Variants in SLC12A8 observed in about 807,000 individuals in gnomAD.
SLC12A8 encodes the protein cation-chloride cotransporter 9.
Under a neutral mutation model 75.6 loss-of-function variants are expected in SLC12A8, and 69 were observed. The ratio of observed to expected loss-of-function variants is 0.91; its 90% CI spans 0.75 to 1.11. The LOEUF (loss-of-function observed/expected upper bound fraction) is 1.11. Among genes scored for constraint, SLC12A8 ranks in the 50% most tolerant of loss-of-function variants. The probability of loss-of-function intolerance (pLI) is 0.00; values close to 1 mark genes in which losing one functional copy is unlikely to be tolerated. For missense variants in SLC12A8, 877 were observed against 896.7 expected (o/e 0.98, Z 0.28); for synonymous variants, 365 against 372.8 (o/e 0.98, Z 0.24).
intron 7 of SLC12A8, among the ~76,000 whole-genome samples, chr3:125,119,603 C>A (rs1932996049): frequency 1.3e-5 from 2 of 152,192 alleles, no homozygotes; most frequent in Non-Finnish European, 2.9e-5. Flanking sequence ...CATTCAGAAG[C>A]CTCTTTCTTT....
At chr3:125,162,002 G>A (rs1934186170) in intron 5 of SLC12A8, among the ~76,000 whole-genome samples, 2 of 152,218 alleles carry the variant, frequency 1.3e-5, no homozygotes, top group South Asian at 4.1e-4. Flanking sequence ...ACCCTGGGCT[G>A]GGCCTCCACA....
chr3:125,144,563 C>A (rs1250982832), intron 5 of SLC12A8, among the ~76,000 whole-genome samples: 1 of 152,210 alleles, frequency 6.6e-6, no homozygotes, highest in Non-Finnish European at 1.5e-5. Flanking sequence ...ACTCTCCCTC[C>A]TGCCAGGATA....
intron 3 of SLC12A8, 29 bp downstream of exon 3, chr3:125,190,343 GAGA>G: frequency 3.7e-6 from 6 of 1,611,842 alleles, no homozygotes; most frequent in Non-Finnish European, 5.1e-6. Context: ...TTGGGCCCGT[GAGA>G]GGCTCCAGGC....
chr3:125,094,975 T>C (rs1361670513), intron 10 of SLC12A8, among the ~76,000 whole-genome samples: 1 of 152,230 alleles, frequency 6.6e-6, no homozygotes, highest in Non-Finnish European at 1.5e-5. Context: ...GATTTTTCTA[T>C]GTCACTGCCC....
chr3:125,148,570 A>G (rs1933843110), intron 5 of SLC12A8, among the ~76,000 whole-genome samples: 1 of 152,032 alleles, frequency 6.6e-6, no homozygotes, highest in Non-Finnish European at 1.5e-5. Flanking sequence ...AATTTGGGGC[A>G]TCATCTCCTG....
chr3:125,190,477 G>A lies in SLC12A8; in HGVS notation c.96C>T (p.Phe32=), dbSNP rs1223839456. The A allele has an allele frequency of 3.1e-6, 5 of 1,614,214 alleles. No homozygotes were observed. The highest frequency in any genetic ancestry group is 1.3e-5 in the African/African-American group (1 of 75,060). The stretch of plus-strand genomic sequence containing the variant: ...TCCCAAACAGCACAGGCTCCCACAT[G>A]AACAGCTGGGTCTTCCACCAGGGCT... ...QPQPWWKTQL[F]MWEPVLFGTW... The change falls in exon 3 of 14, where the codon TTC becomes TTT. Residue 32 remains phenylalanine, a synonymous_variant. Coordinates refer to ENST00000469902, the MANE Select transcript of SLC12A8 (RefSeq NM_024628.6).
At chr3:125,092,679 G>C (rs150856641) in intron 10 of SLC12A8, among the ~76,000 whole-genome samples, 1 of 152,238 alleles carries the variant, frequency 6.6e-6, no homozygotes, top group Admixed American at 6.5e-5. Flanking sequence ...TGATGAAGGA[G>C]AAAGATGGAG....
chr3:125,106,949 T>A (rs192000714), intron 10 of SLC12A8, among the ~76,000 whole-genome samples: 1 of 152,258 alleles, frequency 6.6e-6, no homozygotes, highest in Admixed American at 6.5e-5. Context: ...AAAATACGAG[T>A]TCTCATTTTC....
intron 5 of SLC12A8, among the ~76,000 whole-genome samples, chr3:125,137,252 G>A (rs560116648): frequency 6.6e-6 from 1 of 152,084 alleles, no homozygotes; most frequent in African/African-American, 2.4e-5. Context: ...ATAATGAAAC[G>A]AAATCTCAGG....
At chr3:125,132,472 A>G (rs1339782633) in intron 6 of SLC12A8, among the ~76,000 whole-genome samples, 1 of 152,182 alleles carries the variant, frequency 6.6e-6, no homozygotes, top group Non-Finnish European at 1.5e-5. Flanking sequence ...GAGAGAATCT[A>G]GCAACTCTTA....
Position 125,082,764 on chromosome 3 carries a change from T to A in SLC12A8, c.*1126A>T, listed in dbSNP as rs1938358046. The A allele has an allele frequency of 6.6e-6, 1 of 152,262 alleles. No homozygotes were observed. The highest frequency in any genetic ancestry group is 1.5e-5 in the Non-Finnish European group (1 of 68,046). The allele number at this position is 152,262 out of a possible 1,614,324, so 9.4% of individuals were successfully genotyped here. On this transcript the variant is annotated 3_prime_UTR_variant, in exon 14 of 14. Coordinates refer to ENST00000469902, the MANE Select transcript of SLC12A8 (RefSeq NM_024628.6). ...TTATCCTAGAGATACACTTTATGCT[T>A]GCACATTTGTACAAGATTATTCACT...
At chr3:125,191,439 TC>T (rs1934907077) in intron 2 of SLC12A8, among the ~76,000 whole-genome samples, 1 of 118,548 alleles carries the variant, frequency 8.4e-6, no homozygotes. Context: ...AACAGAGTCT[TC>T]CAGTGACCAC....
intron 5 of SLC12A8, among the ~76,000 whole-genome samples, chr3:125,148,376 T>C (rs1933837719): frequency 6.6e-6 from 1 of 151,934 alleles, no homozygotes; most frequent in Admixed American, 6.6e-5. Flanking sequence ...AAGATGAAGG[T>C]GCATGCCTCA....
intron 5 of SLC12A8, among the ~76,000 whole-genome samples, chr3:125,166,295 C>T (rs754905273): frequency 9.5e-5 from 14 of 147,950 alleles, no homozygotes; most frequent in Non-Finnish European, 2.1e-4. Flanking sequence ...TATCCCTTTT[C>T]TTGGCCTCAC....
At chr3:125,188,577 A>G (rs754682203) in intron 3 of SLC12A8, among the ~76,000 whole-genome samples, 20 of 152,220 alleles carry the variant, frequency 1.3e-4, no homozygotes, top group Non-Finnish European at 2.6e-4. Flanking sequence ...CAAGAGTCGC[A>G]GAGAGGCAGT....
intron 5 of SLC12A8, among the ~76,000 whole-genome samples, chr3:125,157,220 A>C (rs1378342670): frequency 1.3e-5 from 2 of 152,222 alleles, no homozygotes; most frequent in Admixed American, 6.5e-5. Flanking sequence ...ATAAGTTAAA[A>C]TTATAATTTA....
chr3:125,120,663 C>T lies in SLC12A8; in HGVS notation c.760G>A (p.Gly254Arg), dbSNP rs1407988124. 7 of 1,613,722 alleles carry T rather than the reference C, an allele frequency of 4.3e-6. No homozygotes were observed. Among genetic ancestry groups the T allele is most frequent in the Non-Finnish European group, 5.9e-6 (7 of 1,179,926 alleles). The change falls in exon 7 of 14, where the codon GGG becomes AGG. Residue 254 changes from glycine (G) to arginine (R), a missense_variant. Transcript: ENST00000469902. ...ATGVMAGFNMGGDLREPAASI... is the reference protein window; with the variant it reads ...ATGVMAGFNMRGDLREPAASI... ...GCGGCAGGCTCCCTGAGGTCGCCCC[C>T]CATGTTGAAGCCGGCCATGACTCCT... is the stretch of plus-strand genomic sequence containing the variant.
chr3:125,207,113 G>C (rs983339924), intron 2 of SLC12A8, among the ~76,000 whole-genome samples: 1 of 152,158 alleles, frequency 6.6e-6, no homozygotes, highest in Non-Finnish European at 1.5e-5. Flanking sequence ...AACCCAGGCA[G>C]GTCTCAGCGA....
At chr3:125,136,608 G>C (rs192017291) in intron 5 of SLC12A8, among the ~76,000 whole-genome samples, 2 of 152,192 alleles carry the variant, frequency 1.3e-5, no homozygotes, top group South Asian at 4.1e-4. Context: ...TATGGGTCAC[G>C]CTGAAAAGAA....
Sources: allele counts gnomAD v4.1 joint callset (sites outside exome capture counted in the v4.1 genomes callset), GRCh38; gene constraint gnomAD v4.1.1; transcripts MANE v1.5; gene names NCBI Gene and HGNC (gene_info 2026-07-23, HGNC 2026-07-21).